The following ABHD12 variants were observed in gnomAD, a reference collection of about 807,000 sequenced individuals.
ABHD12 encodes the protein lysophosphatidylserine lipase ABHD12.
ABHD12 carries 43 observed loss-of-function variants against 58.3 expected under a neutral mutation model. The observed-to-expected ratio is 0.74, with a 90% confidence interval of 0.58 to 0.95. The LOEUF (loss-of-function observed/expected upper bound fraction) is 0.95. Among genes scored for constraint, ABHD12 ranks in the 40% least tolerant of loss-of-function variants. The pLI, the probability that ABHD12 is intolerant of heterozygous loss-of-function variation, is 0.00. For synonymous variants in ABHD12, 219 were observed against 211.2 expected (o/e 1.04, Z -0.32); for missense variants, 539 against 537.2 (o/e 1.00, Z -0.03).
At chr20:25,309,352 G>C in intron 7 of ABHD12, 94 bp downstream of exon 7, 1 of 1,584,922 alleles carries the variant, frequency 6.3e-7, no homozygotes. Context: ...GTGCCACAGG[G>C]TTTGCAGGGA....
In ABHD12 at chr20:25,390,526, G is replaced by A; in HGVS notation, c.178C>T (p.Arg60Trp). The change falls in exon 1 of 13, where the codon CGG becomes TGG. Residue 60 changes from arginine (R) to tryptophan (W), a missense_variant. Coordinates refer to ENST00000339157, the MANE Select transcript of ABHD12 (RefSeq NM_001042472.3). ...PRCAADAGMK[R>W]ALGRRKGVWL... ...GCGAAGCCTCACCTGCCCAGCGCCCGCTTCATTCCCGCGTCGGCTGCGCAG... is the reference window on the plus strand; with the variant it reads ...GCGAAGCCTCACCTGCCCAGCGCCCACTTCATTCCCGCGTCGGCTGCGCAG... 17 of 1,357,214 alleles carry A rather than the reference G, an allele frequency of 1.3e-5. No individual in the cohort carries two copies. Among genetic ancestry groups the A allele is most frequent in the Non-Finnish European group, 1.6e-5 (17 of 1,056,162 alleles). The allele number at this position is 1,357,214 out of a possible 1,614,324, so 84.1% of individuals were successfully genotyped here.
chr20:25,312,740 C>T (rs1032177974), intron 6 of ABHD12, among the ~76,000 whole-genome samples: 3 of 151,640 alleles, frequency 2.0e-5, no homozygotes, highest in Non-Finnish European at 4.4e-5. Context: ...TGAGAAGCGT[C>T]TCTGCCCGGC....
At chr20:25,388,190 G>C (rs887906125) in intron 1 of ABHD12, among the ~76,000 whole-genome samples, 1 of 152,016 alleles carries the variant, frequency 6.6e-6, no homozygotes, top group African/African-American at 2.4e-5. Flanking sequence ...TTCCACGTAT[G>C]TCGACAATAA....
At chr20:25,372,396 AGTTTGG>A (rs2089910056) in intron 1 of ABHD12, among the ~76,000 whole-genome samples, 1 of 152,084 alleles carries the variant, frequency 6.6e-6, no homozygotes, top group Non-Finnish European at 1.5e-5. Context: ...AAACATAGCC[AGTTTGG>A]CTATGTTTCC....
intron 1 of ABHD12, among the ~76,000 whole-genome samples, chr20:25,368,988 T>C (rs982793487): frequency 1.3e-5 from 2 of 151,860 alleles, no homozygotes; most frequent in Admixed American, 6.6e-5. Flanking sequence ...CCAGGTGTAG[T>C]GGCATGCACC....
Position 25,308,059 on chromosome 20 carries a change from C to G in ABHD12, c.788-14G>C. Reference sequence around the variant, plus strand: ...CTGGAGGCGTCTCTAGATAAACAAACAGGGAACTGAGAGGTAGGCAGGAAG... The same window carrying G: ...CTGGAGGCGTCTCTAGATAAACAAAGAGGGAACTGAGAGGTAGGCAGGAAG... On this transcript the variant is annotated splice_polypyrimidine_tract_variant and intron_variant, in intron 8 of 12. Coordinates refer to ENST00000339157, the MANE Select transcript of ABHD12 (RefSeq NM_001042472.3). 1.3e-6 allele frequency: 2 copies of G among 1,556,264 alleles called. No individual in the cohort carries two copies. Among genetic ancestry groups the G allele is most frequent in the Middle Eastern group, 1.7e-4 (1 of 5,914 alleles).
At chr20:25,390,166 T>C (rs1211693243) in intron 1 of ABHD12, 3 of 207,938 alleles carry the variant, frequency 1.4e-5, no homozygotes. Flanking sequence ...CCACGCGGGG[T>C]CATGACTTCG....
At position 25,309,571 on chromosome 20, in the gene ABHD12, C is replaced by T; in HGVS notation, c.624G>A (p.Trp208Ter). ...CAGATGGCGTTCCCACTGAGTCACC[C>T]CAACCTGGGAGGGAGAAACGGCAGG... is the stretch of plus-strand genomic sequence containing the variant. ...YHVVTFDYRG[W>*]GDSVGTPSER... Residue 208 changes from tryptophan (W) to a stop codon, truncating the protein, a stop_gained, in exon 7 of 13, where the codon TGG becomes TGA. Coordinates refer to ENST00000339157, the MANE Select transcript of ABHD12 (RefSeq NM_001042472.3). LOFTEE classifies it high-confidence loss of function. 1.2e-6 allele frequency: 2 copies of T among 1,614,080 alleles called. No homozygotes were observed. Among genetic ancestry groups the T allele is most frequent in the South Asian group, 1.1e-5 (1 of 91,076 alleles).
At chr20:25,340,592 G>A (rs1056301788) in intron 1 of ABHD12, among the ~76,000 whole-genome samples, 3 of 152,210 alleles carry the variant, frequency 2.0e-5, no homozygotes, top group African/African-American at 7.2e-5. Flanking sequence ...CAGGACCACT[G>A]CTCTAACTTG....
intron 2 of ABHD12, among the ~76,000 whole-genome samples, chr20:25,337,293 T>C (rs769711411): frequency 6.6e-6 from 1 of 152,108 alleles, no homozygotes; most frequent in Non-Finnish European, 1.5e-5. Flanking sequence ...CAAAACAAAA[T>C]GCCACTGTAG....
chr20:25,334,049 C>T (rs2089322121), intron 2 of ABHD12, among the ~76,000 whole-genome samples: 1 of 151,986 alleles, frequency 6.6e-6, no homozygotes. Context: ...GATGGTATAT[C>T]TAGAAAACCC....
At chr20:25,296,302 G>A, downstream of ABHD12, 4 of 1,578,004 alleles carry the variant, frequency 2.5e-6, no homozygotes, top group Admixed American at 6.7e-5. Context: ...TAAAGTTCTG[G>A]AATCCCATGT....
At chr20:25,356,969 C>G (rs1192062701) in intron 1 of ABHD12, among the ~76,000 whole-genome samples, 1 of 152,148 alleles carries the variant, frequency 6.6e-6, no homozygotes, top group East Asian at 1.9e-4. Context: ...ACTCTGCTCT[C>G]TACAAATGAA....
intron 6 of ABHD12, 111 bp from the exon 7 acceptor site, chr20:25,309,686 T>C: frequency 6.6e-7 from 1 of 1,514,252 alleles, no homozygotes; most frequent in East Asian, 2.3e-5. Context: ...AGGGGCCCGC[T>C]TGGCCCACCC....
chr20:25,325,887 A>G (rs1366462384), intron 2 of ABHD12, among the ~76,000 whole-genome samples: 2 of 151,996 alleles, frequency 1.3e-5, no homozygotes, highest in Non-Finnish European at 2.9e-5. Context: ...CCTGGCCAAC[A>G]TGGCAAAACC....
At chr20:25,377,964 G>A (rs2089979941) in intron 1 of ABHD12, among the ~76,000 whole-genome samples, 2 of 152,192 alleles carry the variant, frequency 1.3e-5, no homozygotes, top group Admixed American at 6.5e-5. Context: ...CCAAAGTGCT[G>A]GGATGACAGG....
At chr20:25,328,504 C>T (rs761715105) in intron 2 of ABHD12, among the ~76,000 whole-genome samples, 90 of 152,238 alleles carry the variant, frequency 5.9e-4, no homozygotes, top group Non-Finnish European at 1.1e-3. Context: ...GGGCCGAGGA[C>T]ACTGGGCTTC....
intron 1 of ABHD12, among the ~76,000 whole-genome samples, chr20:25,383,971 A>AG (rs1395610040): frequency 3.8e-4 from 54 of 141,656 alleles, no homozygotes; most frequent in African/African-American, 1.4e-3. Context: ...AAAAAAAAAA[A>AG]AAAGAAAAAA....
intron 1 of ABHD12, among the ~76,000 whole-genome samples, chr20:25,369,321 C>T (rs1208727906): frequency 6.6e-6 from 1 of 152,038 alleles, no homozygotes; most frequent in African/African-American, 2.4e-5. Flanking sequence ...TTTAAAATTT[C>T]TCTATATATT....
Sources: gnomAD v4.1 joint callset for allele counts (sites outside exome capture counted in the v4.1 genomes callset) on GRCh38, gnomAD v4.1.1 for gene constraint, MANE v1.5 for transcripts, NCBI Gene and HGNC (gene_info 2026-07-23, HGNC 2026-07-21) for gene names.